Variants in KCNIP4 observed in about 807,000 individuals in gnomAD.
KCNIP4 encodes Kv channel-interacting protein 4.
In KCNIP4, 12 loss-of-function variants were observed where a neutral mutation model predicts 34.0. The ratio of observed to expected loss-of-function variants is 0.35; its 90% CI spans 0.23 to 0.57. The LOEUF is 0.57. Among genes scored for constraint, KCNIP4 ranks in the 20% least tolerant of loss-of-function variants. KCNIP4 has a pLI of 0.83. For missense variants in KCNIP4, 238 were observed against 311.7 expected (o/e 0.76, Z 1.78); for synonymous variants, 124 against 102.2 (o/e 1.21, Z -1.29).
At chr4:21,401,119 C>A (rs1306857302) in intron 1 of KCNIP4, among the ~76,000 whole-genome samples, 1 of 152,114 alleles carries the variant, frequency 6.6e-6, no homozygotes, top group East Asian at 1.9e-4. Flanking sequence ...TGACATGGTG[C>A]CACTGCACTC....
intron 1 of KCNIP4, among the ~76,000 whole-genome samples, chr4:21,216,296 T>C (rs1757573294): frequency 6.6e-6 from 1 of 152,244 alleles, no homozygotes; most frequent in South Asian, 2.1e-4. Context: ...CTAATACTTT[T>C]ATATTCTAAT....
At chr4:21,082,998 A>G (rs11931825) in intron 1 of KCNIP4, among the ~76,000 whole-genome samples, 1,663 of 151,914 alleles carry the variant, frequency 0.011, 63 homozygotes, top group African/African-American at 0.039. Context: ...GCCATGTTAA[A>G]TATATTTCCA....
intron 1 of KCNIP4, among the ~76,000 whole-genome samples, chr4:21,150,456 C>G (rs1274614453): frequency 6.9e-6 from 1 of 144,852 alleles, no homozygotes; most frequent in Admixed American, 6.7e-5. Flanking sequence ...TCTCAGTTCA[C>G]CTGGTTCCAA....
chr4:21,025,830 C>T (rs1217216152), intron 1 of KCNIP4, among the ~76,000 whole-genome samples: 2 of 152,022 alleles, frequency 1.3e-5, no homozygotes, highest in South Asian at 2.1e-4. Flanking sequence ...GCTGGGATTA[C>T]AGGCGTGAGC....
At chr4:21,205,135 C>A (rs150219345) in intron 1 of KCNIP4, among the ~76,000 whole-genome samples, 2 of 152,130 alleles carry the variant, frequency 1.3e-5, no homozygotes, top group African/African-American at 4.8e-5. Flanking sequence ...AATACTGGGT[C>A]GAACCTCATT....
intron 1 of KCNIP4, among the ~76,000 whole-genome samples, chr4:21,170,480 T>C (rs1281646564): frequency 6.6e-6 from 1 of 152,168 alleles, no homozygotes; most frequent in African/African-American, 2.4e-5. Flanking sequence ...TGTATCTAAA[T>C]ATGAATCTTC....
At chr4:20,932,740 CAGTTTTT>C (rs1448683891) in intron 1 of KCNIP4, among the ~76,000 whole-genome samples, 1 of 152,000 alleles carries the variant, frequency 6.6e-6, no homozygotes, top group Non-Finnish European at 1.5e-5. Context: ...ATTCAACTTT[CAGTTTTT>C]AAAGATTTTA....
chr4:20,962,316 G>A (rs1024475316), intron 1 of KCNIP4, among the ~76,000 whole-genome samples: 4 of 152,158 alleles, frequency 2.6e-5, no homozygotes, highest in South Asian at 2.1e-4. Context: ...CATCACTCCC[G>A]ACTGGGAGGC....
At chr4:21,090,382 C>A (rs925854571) in intron 1 of KCNIP4, among the ~76,000 whole-genome samples, 1 of 152,118 alleles carries the variant, frequency 6.6e-6, no homozygotes, top group Non-Finnish European at 1.5e-5. Flanking sequence ...AAATTCAATG[C>A]ACAGCCCTGA....
intron 1 of KCNIP4, among the ~76,000 whole-genome samples, chr4:21,064,364 A>C (rs925871708): frequency 6.6e-6 from 1 of 152,086 alleles, no homozygotes; most frequent in Non-Finnish European, 1.5e-5. Context: ...TTGCTCAATA[A>C]AAATAGTGTG....
At chr4:21,216,142 T>C (rs183799643) in intron 1 of KCNIP4, among the ~76,000 whole-genome samples, 22 of 152,322 alleles carry the variant, frequency 1.4e-4, no homozygotes, top group African/African-American at 1.7e-4. Flanking sequence ...GAAATGACTT[T>C]GCGTTGGTGC....
chr4:20,871,274 A>C (rs189518532), intron 2 of KCNIP4, among the ~76,000 whole-genome samples: 35 of 152,182 alleles, frequency 2.3e-4, no homozygotes, highest in Non-Finnish European at 2.5e-4. Flanking sequence ...CGGAGTGGCA[A>C]TGTCAAGTGG....
At chr4:21,467,132 TAAAAC>T (rs897264179) in intron 1 of KCNIP4, among the ~76,000 whole-genome samples, 2 of 121,620 alleles carry the variant, frequency 1.6e-5, no homozygotes, top group African/African-American at 3.0e-5. Flanking sequence ...CAGAACATAA[TAAAAC>T]AAACTGGATA....
chr4:20,871,464 A>T (rs563231471), intron 2 of KCNIP4, among the ~76,000 whole-genome samples: 55 of 147,138 alleles, frequency 3.7e-4, no homozygotes, highest in African/African-American at 1.0e-3. Context: ...GAATACATTT[A>T]AAAAAAAAAA....
At chr4:21,137,396 T>G (rs1469708050) in intron 1 of KCNIP4, among the ~76,000 whole-genome samples, 2 of 152,216 alleles carry the variant, frequency 1.3e-5, no homozygotes, top group African/African-American at 2.4e-5. Flanking sequence ...GAAGGCAGGG[T>G]AAATTCTTGT....
intron 1 of KCNIP4, among the ~76,000 whole-genome samples, chr4:21,667,704 G>T (rs1424280473): frequency 1.3e-5 from 2 of 152,208 alleles, no homozygotes; most frequent in Non-Finnish European, 2.9e-5. Context: ...ACAAAGTCTG[G>T]AAGGAAAATA....
chr4:21,061,156 C>A (rs547103316), intron 1 of KCNIP4, among the ~76,000 whole-genome samples: 1 of 152,252 alleles, frequency 6.6e-6, no homozygotes, highest in Admixed American at 6.5e-5. Flanking sequence ...CCCCCATTCT[C>A]TTAAAGATTA....
chr4:21,365,738 C>A (rs1406844262), intron 1 of KCNIP4, among the ~76,000 whole-genome samples: 1 of 152,000 alleles, frequency 6.6e-6, no homozygotes, highest in East Asian at 1.9e-4. Context: ...ACAACACCTT[C>A]AGAATAGAAA....
intron 1 of KCNIP4, among the ~76,000 whole-genome samples, chr4:21,857,794 G>A (rs1486206475): frequency 6.6e-6 from 1 of 152,214 alleles, no homozygotes; most frequent in Admixed American, 6.5e-5. Context: ...AAAAAGGGCT[G>A]AAACAACCCC....
Sources: allele counts gnomAD v4.1 joint callset (sites outside exome capture counted in the v4.1 genomes callset), GRCh38; gene constraint gnomAD v4.1.1; transcripts MANE v1.5; gene names NCBI Gene and HGNC (gene_info 2026-07-23, HGNC 2026-07-21).